Variants in GGN observed in about 807,000 individuals in gnomAD.
GGN encodes gametogenetin.
In GGN, 27 loss-of-function variants were observed where a neutral mutation model predicts 35.5. The observed-to-expected ratio is 0.76, with a 90% CI of 0.56 to 1.05. The LOEUF is 1.05. Among genes scored for constraint, GGN ranks in the 50% least tolerant of loss-of-function variants. The pLI is 0.00. For missense variants in GGN, 1,006 were observed against 940.7 expected (o/e 1.07, Z -0.91); for synonymous variants, 425 against 444.1 (o/e 0.96, Z 0.54).
In GGN at chr19:38,387,005, G is replaced by T; in HGVS notation, c.257C>A (p.Pro86His). ...AGAGACCGCGGCCGCCTCTTCAGGA[G>T]GGGGCATCACTGGAGAGGGCCGTTC... Reference protein sequence around the residue: ...TLERPSPVMPPPEEAAAVSAP... With the variant: ...TLERPSPVMPHPEEAAAVSAP... Residue 86 changes from proline to histidine, a missense_variant, in exon 3 of 4, where the codon CCT (proline) becomes CAT (histidine). By Grantham distance (77) the Pro-to-His change is moderately conservative. Transcript: ENST00000334928. This position sits in a 1 kb window ranked among gnomAD's most constrained non-coding sequence, Gnocchi z 5.3. The T allele has an allele frequency of 1.9e-6, 3 of 1,543,174 alleles. No homozygotes were observed. The highest frequency in any genetic ancestry group is 2.5e-5 in the South Asian group (2 of 81,176).
In GGN at chr19:38,387,586, C is replaced by T. The variant is rs1192028037; in HGVS notation, c.-20+175G>A. Among the ~76,000 whole-genome samples the T allele has an allele frequency of 1.3e-5, 2 of 152,192 alleles. No homozygotes were observed. Among genetic ancestry groups the T allele is most frequent in the African/African-American group, 2.4e-5 (1 of 41,448 alleles). On this transcript the variant is annotated intron_variant, in intron 2 of 3. Coordinates refer to ENST00000334928, the MANE Select transcript of GGN (RefSeq NM_152657.4). This position sits in a 1 kb window ranked among gnomAD's most constrained non-coding sequence, Gnocchi z 5.3. ...CCTCTCCTCTAACTCTCCGACTCCC[C>T]GCCTCTCTCTAGAGCACCTGGGTCC...
rs1488050804 is a variant in GGN, at chr19:38,386,920, G to T, written c.342C>A (p.Pro114=). ...LLPGPSKWQK[P]AGTPVPRIRR... ...GGATCCGGGGAACTGGAGTGCCCGC[G>T]GGCTTTTGCCATTTAGACGGGCCGG... is the stretch of plus-strand genomic sequence containing the variant. Residue 114 remains proline, a synonymous_variant, in exon 3 of 4, where the codon CCC becomes CCA. Transcript: ENST00000334928. 8 of 1,551,884 alleles carry T rather than the reference G, an allele frequency of 5.2e-6. No homozygotes were observed. Among genetic ancestry groups the T allele is most frequent in the Non-Finnish European group, 5.2e-6 (6 of 1,148,916 alleles).
chr19:38,386,001 G>C lies in GGN; in HGVS notation c.1261C>G (p.Pro421Ala), dbSNP rs777104953. 32 of 1,607,790 alleles carry C rather than the reference G, an allele frequency of 2.0e-5. 1 individual carries two copies. In the South Asian group the frequency reaches 3.3e-4, roughly 17 times the overall value. ...GGGCGCATGGGCTCGCCATTGGTGG[G>C]TGCTGGGAAGATGAACGTAGGCGGC... ...LAPPTFIFPA[P>A]TNGEPMRPGP... The change falls in exon 3 of 4, where the codon CCC becomes GCC. Residue 421 changes from proline to alanine, a missense_variant. By Grantham distance (27) the Pro-to-Ala change is conservative. Coordinates refer to ENST00000334928, the MANE Select transcript of GGN (RefSeq NM_152657.4).
At position 38,386,083 on chromosome 19, in the gene GGN, T is replaced by C. The variant is rs1970714337; in HGVS notation, c.1179A>G (p.Pro393=). The stretch of plus-strand genomic sequence containing the variant: ...CGGGAGCTGAGTGTATCTGCTCTGG[T>C]GGTGGCGGAGGGGAGCCCCAAGGCC... ...LSGPWGSPPP[P]PEQIHSAPGP... The change falls in exon 3 of 4, where the codon CCA becomes CCG. Residue 393 remains proline (P), a synonymous_variant. Transcript: ENST00000334928. The C allele has an allele frequency of 6.3e-7, 1 of 1,586,240 alleles. No individual in the cohort carries two copies. The highest frequency in any genetic ancestry group is 8.6e-7 in the Non-Finnish European group (1 of 1,168,270).
Position 38,385,566 on chromosome 19 carries a change from C to T in GGN, c.1696G>A (p.Gly566Ser), listed in dbSNP as rs1349447318. The T allele has an allele frequency of 6.2e-7, 1 of 1,614,104 alleles. No individual in the cohort carries two copies. The highest frequency in any genetic ancestry group is 8.5e-7 in the Non-Finnish European group (1 of 1,180,008). Residue 566 changes from glycine to serine, a missense_variant, in exon 3 of 4, where the codon GGC (glycine) becomes AGC (serine). Physicochemically the swap from Gly to Ser is moderately conservative, Grantham distance 56 (BLOSUM62 0). Coordinates refer to ENST00000334928, the MANE Select transcript of GGN (RefSeq NM_152657.4). The stretch of plus-strand genomic sequence containing the variant: ...GCCCCAGTCTGAGAGGCCCCGCTGC[C>T]ACCACCCCCTCCACCACTGCTGTCA... ...VPDSSGGGGG[G>S]SGASQTGAAN...
chr19:38,385,857 G>C lies in GGN; in HGVS notation c.1405C>G (p.Leu469Val). The C allele has an allele frequency of 6.5e-7, 1 of 1,543,584 alleles. No individual in the cohort carries two copies. Among genetic ancestry groups the C allele is most frequent in the East Asian group, 2.4e-5 (1 of 40,950 alleles). ...GCCAGGGCTGACTCCTTGTGGCCCAGACCCGGGGTGAGCGGGGGAGCCACC... is the reference window on the plus strand; with the variant it reads ...GCCAGGGCTGACTCCTTGTGGCCCACACCCGGGGTGAGCGGGGGAGCCACC... ...LPVAPPLTPG[L>V]GHKESALAPT... Residue 469 changes from leucine (L) to valine (V), a missense_variant, in exon 3 of 4, where the codon CTG becomes GTG. By Grantham distance (32) the Leu-to-Val change is conservative (BLOSUM62 1). Coordinates refer to ENST00000334928, the MANE Select transcript of GGN (RefSeq NM_152657.4).
Position 38,387,349 on chromosome 19 carries a change from G to C in GGN, c.-19-69C>G. ...GGACCCTACGAGGCTGGCTGTACTT[G>C]ATCTAATGCGTCCGCACCGGCCCCG... On this transcript the variant is annotated intron_variant, in intron 2 of 3. Coordinates refer to ENST00000334928, the MANE Select transcript of GGN (RefSeq NM_152657.4). This position sits in a 1 kb window ranked among gnomAD's most constrained non-coding sequence, Gnocchi z 5.3. 1 of 1,462,040 alleles carries C rather than the reference G, an allele frequency of 6.8e-7. No homozygotes were observed. The highest frequency in any genetic ancestry group is 2.5e-5 in the East Asian group (1 of 40,086). The allele number at this position is 1,462,040 out of a possible 1,614,324, so 90.6% of individuals were successfully genotyped here.
rs1321090163 is a variant in GGN at position 38,386,891 on chromosome 19, C to T, written c.371G>A (p.Arg124His). 3 of 1,568,868 alleles carry T rather than the reference C, an allele frequency of 1.9e-6. No homozygotes were observed. Among genetic ancestry groups the T allele is most frequent in the East Asian group, 2.3e-5 (1 of 43,156 alleles). The part of the protein sequence containing the change: ...PAGTPVPRIR[R>H]LLEASHRGQG... Reference sequence around the variant, plus strand: ...GCCGCGATGGCTCGCCTCCAGCAGGCGGCGGATCCGGGGAACTGGAGTGCC... The same window carrying T: ...GCCGCGATGGCTCGCCTCCAGCAGGTGGCGGATCCGGGGAACTGGAGTGCC... Residue 124 changes from arginine (R) to histidine (H), a missense_variant, in exon 3 of 4, where the codon CGC (arginine) becomes CAC (histidine). Arg to His is a conservative substitution (Grantham distance 29, BLOSUM62 0). Transcript: ENST00000334928.
Position 38,386,599 on chromosome 19 carries a change from A to G in GGN, c.663T>C (p.Pro221=), listed in dbSNP as rs1172602243. Residue 221 remains proline, a synonymous_variant, in exon 3 of 4, where the codon CCT becomes CCC. Transcript: ENST00000334928. The part of the protein sequence containing the change: ...QTAGRARGGA[P]PHAGEGEMAQ... Reference sequence around the variant, plus strand: ...CCATTTCGCCTTCGCCCGCATGGGGAGGCGCCCCTCCGCGAGCCCTGCCGG... The same window carrying G: ...CCATTTCGCCTTCGCCCGCATGGGGGGGCGCCCCTCCGCGAGCCCTGCCGG... 1.9e-6 allele frequency: 3 copies of G among 1,613,054 alleles called. No individual in the cohort carries two copies. Among genetic ancestry groups the G allele is most frequent in the East Asian group, 4.5e-5 (2 of 44,860 alleles).
Position 38,386,724 on chromosome 19 carries a change from C to T in GGN, c.538G>A (p.Glu180Lys), listed in dbSNP as rs752728502. 29 of 1,608,216 alleles carry T rather than the reference C, an allele frequency of 1.8e-5. No homozygotes were observed. Among genetic ancestry groups the T allele is most frequent in the Non-Finnish European group, 2.5e-5 (29 of 1,176,152 alleles). Residue 180 changes from glutamate to lysine, a missense_variant, in exon 3 of 4, where the codon GAA (glutamate) becomes AAA (lysine). Coordinates refer to ENST00000334928, the MANE Select transcript of GGN (RefSeq NM_152657.4). The stretch of plus-strand genomic sequence containing the variant: ...ATTCTGCGGTCCGCCGGCTGCCGTT[C>T]AGAAGGTAATGGTGGTGGCGGCTTC... ...TWKPPPPLPS[E>K]RQPADRRITP... is the part of the protein sequence containing the mutation.
rs376657281 is a variant in GGN, at chr19:38,386,133, G to T, written c.1129C>A (p.Arg377=). 39 of 1,580,698 alleles carry T rather than the reference G, an allele frequency of 2.5e-5. No individual in the cohort carries two copies. The African/African-American group carries it at 3.8e-4, about 15-fold the overall frequency. ...CCAGAGAGTGCGGCCGCACGCCGTC[G>T]CGGCGCCCCGATGCCTCCGCCAGCC... ...NGAGGGIGAP[R]RRAAALSGPW... The change falls in exon 3 of 4, where the codon CGA becomes AGA. Residue 377 remains arginine, a synonymous_variant. Transcript: ENST00000334928.
At position 38,386,173 on chromosome 19, in the gene GGN, G is replaced by A. The variant is rs1327259574; in HGVS notation, c.1089C>T (p.His363=). The A allele has an allele frequency of 6.3e-7, 1 of 1,596,960 alleles. No homozygotes were observed. Among genetic ancestry groups the A allele is most frequent in the African/African-American group, 1.3e-5 (1 of 74,934 alleles). ...CTCCGCCAGCCCCGTTGAAGCGGAA[G>A]TGGCGTTCAGGGCCGTCGGGAGCGC... ...WVSAPDGPER[H]FRFNGAGGGI... is the part of the protein sequence containing the mutation. The change falls in exon 3 of 4, where the codon CAC becomes CAT. Residue 363 remains histidine, a synonymous_variant. Transcript: ENST00000334928.
rs1568390501 is a variant in GGN at position 38,385,709 on chromosome 19, G to T, written c.1553C>A (p.Ala518Asp). The T allele has an allele frequency of 6.2e-7, 1 of 1,611,644 alleles. No individual in the cohort carries two copies. The highest frequency in any genetic ancestry group is 8.5e-7 in the Non-Finnish European group (1 of 1,179,186). The change falls in exon 3 of 4, where the codon GCT becomes GAT. Residue 518 changes from alanine (A) to aspartate (D), a missense_variant. Transcript: ENST00000334928. ...GCGCGTGCGGGTCTTGATGGGCGCA[G>T]CCGCGGGTGCGGGCGCGGACACAGG... The part of the protein sequence containing the change: ...SPPVSAPAPA[A>D]APIKTRTRRN...
At position 38,386,700 on chromosome 19, in the gene GGN, T is replaced by A; in HGVS notation, c.562A>T (p.Ile188Phe). 6.2e-7 allele frequency: 1 copy of A among 1,606,434 alleles called. No homozygotes were observed. Among genetic ancestry groups the A allele is most frequent in the Admixed American group, 1.7e-5 (1 of 59,480 alleles). The change falls in exon 3 of 4, where the codon ATC (isoleucine) becomes TTC (phenylalanine). Residue 188 changes from isoleucine (I) to phenylalanine (F), a missense_variant. Coordinates refer to ENST00000334928, the MANE Select transcript of GGN (RefSeq NM_152657.4). ...PSERQPADRRITPALATPASP... is the reference protein window; with the variant it reads ...PSERQPADRRFTPALATPASP... ...GCGGGTGTGGCCAGAGCAGGAGTGA[T>A]TCTGCGGTCCGCCGGCTGCCGTTCA...
rs143425680 is a variant in GGN, at chr19:38,387,478, C to T, written c.-19-198G>A. On this transcript the variant is annotated intron_variant, in intron 2 of 3. Transcript: ENST00000334928. The surrounding 1 kb of genome is among the most constrained non-coding windows in gnomAD (Gnocchi z 5.3). ...CTTGCCCATGTCCCCAACACAGCTG[C>T]TGTTAAGATACTTCACTACCAGCCC... is the stretch of plus-strand genomic sequence containing the variant. Among the ~76,000 whole-genome samples, 6 of 152,260 alleles carry T rather than the reference C, an allele frequency of 3.9e-5. No homozygotes were observed. The highest frequency in any genetic ancestry group is 7.4e-5 in the Non-Finnish European group (5 of 68,014).
intron 3 of GGN, 111 bp downstream of exon 3, chr19:38,385,310 G>T: frequency 7.1e-7 from 1 of 1,415,354 alleles, no homozygotes; most frequent in Non-Finnish European, 9.7e-7. Flanking sequence ...TTTGAGATGT[G>T]GCAGAGATGA....
In GGN at chr19:38,385,423, G is replaced by C; in HGVS notation, c.1839C>G (p.Ala613=). The change falls in exon 3 of 4, where the codon GCC becomes GCG. Residue 613 remains alanine (A), a splice_region_variant and synonymous_variant. Coordinates refer to ENST00000334928, the MANE Select transcript of GGN (RefSeq NM_152657.4). The part of the protein sequence containing the change: ...RHRRLPRNVS[A]WLSTSTNHLG... The stretch of plus-strand genomic sequence containing the variant: ...TCCTGTCCCTTCTCCCCTCTCACCA[G>C]GCAGAGACGTTGCGTGGCAGGCGGC... 12 of 1,613,880 alleles carry C rather than the reference G, an allele frequency of 7.4e-6. No individual in the cohort carries two copies. Among genetic ancestry groups the C allele is most frequent in the Non-Finnish European group, 1.0e-5 (12 of 1,179,988 alleles).
Position 38,386,451 on chromosome 19 carries a change from C to A in GGN, c.811G>T (p.Gly271Cys), listed in dbSNP as rs749892638. The A allele has an allele frequency of 2.5e-6, 4 of 1,612,878 alleles. No individual in the cohort carries two copies. The East Asian group carries it at 8.9e-5, about 36-fold the overall frequency. ...SLAAKASLGG[G>C]GGGGLFAASG... Reference sequence around the variant, plus strand: ...GCAGCAAAGAGGCCGCCGCCTCCGCCGCCCCCCAGCGAAGCTTTGGCTGCT... The same window carrying A: ...GCAGCAAAGAGGCCGCCGCCTCCGCAGCCCCCCAGCGAAGCTTTGGCTGCT... Residue 271 changes from glycine to cysteine, a missense_variant, in exon 3 of 4, where the codon GGC becomes TGC. Transcript: ENST00000334928.
Position 38,386,850 on chromosome 19 carries a change from T to C in GGN, c.412A>G (p.Ser138Gly). Reference protein sequence around the residue: ...ASHRGQGDPPSLRPLKPPPPP... With the variant: ...ASHRGQGDPPGLRPLKPPPPP... Reference sequence around the variant, plus strand: ...GGCGGCGGCTTCAGCGGGCGGAGGCTCGGAGGGTCGCCCTGGCCGCGATGG... The same window carrying C: ...GGCGGCGGCTTCAGCGGGCGGAGGCCCGGAGGGTCGCCCTGGCCGCGATGG... Residue 138 changes from serine (S) to glycine (G), a missense_variant, in exon 3 of 4, where the codon AGC becomes GGC. Coordinates refer to ENST00000334928, the MANE Select transcript of GGN (RefSeq NM_152657.4). The C allele has an allele frequency of 6.2e-7, 1 of 1,600,870 alleles. No homozygotes were observed.
Sources: allele counts gnomAD v4.1 joint callset (sites outside exome capture counted in the v4.1 genomes callset), GRCh38; gene constraint gnomAD v4.1.1; non-coding constraint Gnocchi (gnomAD v3.1); transcripts MANE v1.5; gene names NCBI Gene and HGNC (gene_info 2026-07-23, HGNC 2026-07-21).